CX3CL1: variants seen among roughly 807,000 people sequenced by gnomAD.
CX3CL1 encodes fractalkine.
A neutral mutation model predicts 14.1 loss-of-function variants in CX3CL1; 1 was observed. The observed-to-expected ratio is 0.07, with a 90% confidence interval of 0.03 to 0.34. The LOEUF (loss-of-function observed/expected upper bound fraction) is 0.34. CX3CL1 is among the 10% of genes least tolerant of loss of function. The pLI, the probability that CX3CL1 is intolerant of heterozygous loss-of-function variation, is 0.99. For synonymous variants in CX3CL1, 255 were observed against 229.6 expected, an observed-to-expected ratio of 1.11 and a Z score of -1.00; for missense variants, 505 against 536.4, an observed-to-expected ratio of 0.94 and a Z score of 0.58.
chr16:57,373,306 A>G (rs569185839), intron 1 of CX3CL1, among the ~76,000 whole-genome samples: 4 of 152,330 alleles, frequency 2.6e-5, no homozygotes, highest in Admixed American at 2.6e-4. Flanking sequence ...TGGTAGGGGT[A>G]CATAATTAAC....
intron 1 of CX3CL1, among the ~76,000 whole-genome samples, chr16:57,376,787 CTG>C (rs1191928321): frequency 6.6e-6 from 1 of 152,096 alleles, no homozygotes; most frequent in African/African-American, 2.4e-5. Context: ...GATAAGTAAA[CTG>C]AGACTAATTT....
In CX3CL1 at chr16:57,383,334, T is replaced by C. The variant is rs1288226937; in HGVS notation, c.*302T>C. ...CATCCCAGCCCCAATGAACAATTAT[T>C]TATTAAATGCCCAGCCCCTTCTGAC... is the stretch of plus-strand genomic sequence containing the variant. On this transcript the variant is annotated 3_prime_UTR_variant, in exon 3 of 3. Transcript: ENST00000006053. The C allele has an allele frequency of 3.6e-6, 1 of 274,682 alleles. No homozygotes were observed. The highest frequency in any genetic ancestry group is 6.8e-6 in the Non-Finnish European group (1 of 147,120). 17.0% of individuals were successfully genotyped at this position (274,682 alleles called of 1,614,324 possible). A position where few individuals can be genotyped will look rare whatever the true frequency, so the allele number is the denominator to read the frequency against.
rs543102272 is a variant in CX3CL1 at position 57,375,466 on chromosome 16, A to T, written c.70+2828A>T. 3.9e-5 allele frequency among the ~76,000 whole-genome samples: 6 copies of T among 152,382 alleles called. No individual in the cohort carries two copies. In the South Asian group the frequency reaches 1.2e-3, roughly 32 times the overall value. On this transcript the variant is annotated intron_variant, in intron 1 of 2. Coordinates refer to ENST00000006053, the MANE Select transcript of CX3CL1 (RefSeq NM_002996.6). ...CCAAACCTCCTATAGTACCCGGGAC[A>T]GCCCCCAAAACAAAGAATTGTCTGG... is the stretch of plus-strand genomic sequence containing the variant.
intron 1 of CX3CL1, 80 bp downstream of exon 1, chr16:57,372,718 G>T (rs1015425699): frequency 7.6e-6 from 11 of 1,449,162 alleles, no homozygotes; most frequent in Non-Finnish European, 1.1e-5. Flanking sequence ...GACATCAGGG[G>T]CCCCAGACCC....
At chr16:57,376,278 A>G (rs1249677446) in intron 1 of CX3CL1, among the ~76,000 whole-genome samples, 1 of 152,230 alleles carries the variant, frequency 6.6e-6, no homozygotes, top group Non-Finnish European at 1.5e-5. Flanking sequence ...TGGTTGACTG[A>G]ATAAACAGAG....
chr16:57,383,210 C>T lies in CX3CL1; in HGVS notation c.*178C>T. ...CATTCCCCAGGAGGCCAGCCTTGAC[C>T]ATTCTCCACCTGCCAGGGACAGAGG... On this transcript the variant is annotated 3_prime_UTR_variant, in exon 3 of 3. Coordinates refer to ENST00000006053, the MANE Select transcript of CX3CL1 (RefSeq NM_002996.6). 1 of 495,468 alleles carries T rather than the reference C, an allele frequency of 2.0e-6. No homozygotes were observed. The allele number at this position is 495,468 out of a possible 1,614,324, so 30.7% of individuals were successfully genotyped here.
At chr16:57,377,932 T>C (rs144816151) in intron 1 of CX3CL1, 3 of 152,368 alleles carry the variant, frequency 2.0e-5, no homozygotes, top group African/African-American at 7.2e-5. Context: ...GGAAATTCAA[T>C]GTAAACAACT....
intron 2 of CX3CL1, 89 bp from the exon 3 acceptor site, chr16:57,381,941 G>T: frequency 7.2e-7 from 1 of 1,391,348 alleles, no homozygotes; most frequent in Non-Finnish European, 9.7e-7. Context: ...GTGTTCACCT[G>T]CAGAGTATTG....
chr16:57,376,499 G>C (rs1233676954), intron 1 of CX3CL1, among the ~76,000 whole-genome samples: 2 of 151,810 alleles, frequency 1.3e-5, no homozygotes, highest in African/African-American at 4.8e-5. Flanking sequence ...TGGGTGGATA[G>C]ATGGATGAAT....
Position 57,383,255 on chromosome 16 carries a change from C to T in CX3CL1, c.*223C>T. The T allele has an allele frequency of 5.0e-6, 2 of 399,348 alleles. No homozygotes were observed. The highest frequency in any genetic ancestry group is 4.4e-6 in the Non-Finnish European group (1 of 229,068). The allele number at this position is 399,348 out of a possible 1,614,324, so 24.7% of individuals were successfully genotyped here. A position where few individuals can be genotyped will look rare whatever the true frequency, so the allele number is the denominator to read the frequency against. ...CAGAGGGGGTGGCCTCCCAACTCACCCCAGCCCCAAAACTCTCCTCTGCTG... is the reference window on the plus strand; with the variant it reads ...CAGAGGGGGTGGCCTCCCAACTCACTCCAGCCCCAAAACTCTCCTCTGCTG... On this transcript the variant is annotated 3_prime_UTR_variant, in exon 3 of 3. Coordinates refer to ENST00000006053, the MANE Select transcript of CX3CL1 (RefSeq NM_002996.6).
Position 57,382,577 on chromosome 16 carries a change from G to A in CX3CL1, c.739G>A (p.Val247Met). Residue 247 changes from valine (V) to methionine (M), a missense_variant, in exon 3 of 3, where the codon GTG becomes ATG. Val to Met is a conservative substitution (Grantham distance 21). Transcript: ENST00000006053. This position sits in a 1 kb window ranked among gnomAD's most constrained non-coding sequence, Gnocchi z 6.9. The stretch of plus-strand genomic sequence containing the variant: ...GAATGCTCCGTCTGAAGGCCAGCGT[G>A]TGTGGGGTCAGGGACAGAGCCCCAG... ...EENAPSEGQR[V>M]WGQGQSPRPE... 1 of 1,614,034 alleles carries A rather than the reference G, an allele frequency of 6.2e-7. No homozygotes were observed. Among genetic ancestry groups the A allele is most frequent in the Non-Finnish European group, 8.5e-7 (1 of 1,179,938 alleles).
At position 57,372,495 on chromosome 16, in the gene CX3CL1, G is replaced by A; in HGVS notation, c.-74G>A. The A allele has an allele frequency of 7.1e-7, 1 of 1,404,302 alleles. No homozygotes were observed. Among genetic ancestry groups the A allele is most frequent in the Non-Finnish European group, 1.0e-6 (1 of 1,004,762 alleles). 87.0% of individuals were successfully genotyped at this position (1,404,302 alleles called of 1,614,324 possible). On this transcript the variant is annotated 5_prime_UTR_variant, in exon 1 of 3. Coordinates refer to ENST00000006053, the MANE Select transcript of CX3CL1 (RefSeq NM_002996.6). The stretch of plus-strand genomic sequence containing the variant: ...CACAGATCTCTGGCGGCGGCAAGGG[G>A]ACAGCACTGAGCTCTGCCGCCTGGC...
Position 57,382,216 on chromosome 16 carries a change from C to T in CX3CL1, c.378C>T (p.Val126=), listed in dbSNP as rs761255463. 2 of 1,612,830 alleles carry T rather than the reference C, an allele frequency of 1.2e-6. No individual in the cohort carries two copies. Among genetic ancestry groups the T allele is most frequent in the Admixed American group, 1.7e-5 (1 of 59,998 alleles). ...PAAGGMDESV[V]LEPEATGESS... ...CCGGGGGAATGGACGAGTCTGTGGT[C>T]CTGGAGCCCGAAGCCACAGGCGAAA... The change falls in exon 3 of 3, where the codon GTC becomes GTT. Residue 126 remains valine, a synonymous_variant. Coordinates refer to ENST00000006053, the MANE Select transcript of CX3CL1 (RefSeq NM_002996.6). This position sits in a 1 kb window ranked among gnomAD's most constrained non-coding sequence, Gnocchi z 6.9.
intron 2 of CX3CL1, among the ~76,000 whole-genome samples, chr16:57,380,502 G>C (rs6499878): frequency 0.023 from 3,494 of 152,142 alleles, 135 homozygotes; most frequent in African/African-American, 0.081. Flanking sequence ...AGGTTGCAGT[G>C]AGCCAAGATG....
chr16:57,384,770 C>T lies in CX3CL1; in HGVS notation c.*1738C>T, dbSNP rs8323. On this transcript the variant is annotated 3_prime_UTR_variant, in exon 3 of 3. Transcript: ENST00000006053. ...GCAGCTCAGAGAGGGTGGGAGTGGG[C>T]CCAATGCACTTTGTTCTGGCTCTTC... The T allele has an allele frequency of 0.73, 110,591 of 152,280 alleles. 40,357 individuals are homozygous for T. The highest frequency in any genetic ancestry group is 0.76 in the Non-Finnish European group (51,583 of 68,088). The allele number at this position is 152,280 out of a possible 1,614,324, so 9.4% of individuals were successfully genotyped here. A position where few individuals can be genotyped will look rare whatever the true frequency, so the allele number is the denominator to read the frequency against.
chr16:57,373,331 T>C (rs1409857383), intron 1 of CX3CL1, among the ~76,000 whole-genome samples: 2 of 152,134 alleles, frequency 1.3e-5, no homozygotes, highest in Non-Finnish European at 2.9e-5. Context: ...CTACCTGATA[T>C]GGATAAGATG....
chr16:57,376,819 G>A (rs575477273), intron 1 of CX3CL1, among the ~76,000 whole-genome samples: 1 of 152,242 alleles, frequency 6.6e-6, no homozygotes, highest in East Asian at 1.9e-4. Context: ...AATATTGATT[G>A]AGTATCCACC....
At position 57,384,062 on chromosome 16, in the gene CX3CL1, A is replaced by C. The variant is rs1902377812; in HGVS notation, c.*1030A>C. 2 of 151,962 alleles carry C rather than the reference A, an allele frequency of 1.3e-5. No individual in the cohort carries two copies. The highest frequency in any genetic ancestry group is 4.2e-4 in the South Asian group (2 of 4,812). 9.4% of individuals were successfully genotyped at this position (151,962 alleles called of 1,614,324 possible). A position where few individuals can be genotyped will look rare whatever the true frequency, so the allele number is the denominator to read the frequency against. ...TCCCATCACCCGCTAAGAGGGAGGG[A>C]GGGCTCCAGACACATGTCCAAGAAG... On this transcript the variant is annotated 3_prime_UTR_variant, in exon 3 of 3. Coordinates refer to ENST00000006053, the MANE Select transcript of CX3CL1 (RefSeq NM_002996.6).
rs1396882939 is a variant in CX3CL1, at chr16:57,383,096, C to A, written c.*64C>A. On this transcript the variant is annotated 3_prime_UTR_variant, in exon 3 of 3. Transcript: ENST00000006053. ...CTGCCTGGGATCCCTCATCCTCATACCCACCCCCACCCAAGGGCCTGGCCT... is the reference window on the plus strand; with the variant it reads ...CTGCCTGGGATCCCTCATCCTCATAACCACCCCCACCCAAGGGCCTGGCCT... The A allele has an allele frequency of 7.6e-7, 1 of 1,320,942 alleles. No individual in the cohort carries two copies. Among genetic ancestry groups the A allele is most frequent in the Non-Finnish European group, 9.8e-7 (1 of 1,018,280 alleles). The allele number at this position is 1,320,942 out of a possible 1,614,324, so 81.8% of individuals were successfully genotyped here.
Sources: gnomAD v4.1 joint callset for allele counts (sites outside exome capture counted in the v4.1 genomes callset) on GRCh38, gnomAD v4.1.1 for gene constraint, Gnocchi (gnomAD v3.1) non-coding constraint, MANE v1.5 for transcripts, NCBI Gene and HGNC (gene_info 2026-07-23, HGNC 2026-07-21) for gene names.